Variants in MIOX observed in about 807,000 individuals in gnomAD.
The protein encoded by MIOX is myo-inositol oxygenase.
In MIOX, 51 loss-of-function variants were observed where a neutral mutation model predicts 42.7. The observed-to-expected ratio is 1.19, with a 90% CI of 0.95 to 1.51. The LOEUF (loss-of-function observed/expected upper bound fraction) is 1.51. MIOX is among the 40% of genes most tolerant of loss of function. The pLI is 0.00. For synonymous variants in MIOX, 168 were observed against 154.4 expected (o/e 1.09, Z -0.65); for missense variants, 395 against 381.3 (o/e 1.04, Z -0.30).
Position 50,487,703 on chromosome 22 carries a change from C to T in MIOX, c.138C>T (p.Leu46=), listed in dbSNP as rs78273329. The T allele has an allele frequency of 6.5e-4, 1,054 of 1,613,862 alleles. 15 individuals carry two copies. The East Asian group carries it at 0.02, about 31-fold the overall frequency. The change falls in exon 3 of 10, where the codon CTC becomes CTT. Residue 46 remains leucine (L), a synonymous_variant. Transcript: ENST00000216075. ...LLDRVFTTYK[L]MHTHQTVDFV... ...ACCGTGTCTTCACCACCTACAAGCT[C>T]ATGCACACGCACCAGACAGTGGACT...
At chr22:50,489,018 C>CGTTCCTCCT (rs2068321285) in intron 5 of MIOX, 22 bp from the exon 6 acceptor site, 4 of 1,450,580 alleles carry the variant, frequency 2.8e-6, no homozygotes, top group South Asian at 1.2e-5. Flanking sequence ...CATGGCCTCC[C>CGTTCCTCCT]GTCCCTCCTG....
Position 50,489,977 on chromosome 22 carries a change from C to G in MIOX, c.*121C>G, listed in dbSNP as rs995860392. 2.1e-5 allele frequency: 19 copies of G among 888,404 alleles called. No homozygotes were observed. The African/African-American group carries it at 2.7e-4, about 13-fold the overall frequency. 55.0% of individuals were successfully genotyped at this position (888,404 alleles called of 1,614,324 possible). ...CCTCGGTGGGGGACCCCACTCACCC[C>G]CTTAGGGTCGCCACCCCTCACGGCA... On this transcript the variant is annotated 3_prime_UTR_variant, in exon 10 of 10. Coordinates refer to ENST00000216075, the MANE Select transcript of MIOX (RefSeq NM_017584.6).
In MIOX at chr22:50,489,976, C is replaced by T; in HGVS notation, c.*120C>T. 3 of 886,588 alleles carry T rather than the reference C, an allele frequency of 3.4e-6. No individual in the cohort carries two copies. The highest frequency in any genetic ancestry group is 5.3e-6 in the Non-Finnish European group (3 of 570,460). 54.9% of individuals were successfully genotyped at this position (886,588 alleles called of 1,614,324 possible). On this transcript the variant is annotated 3_prime_UTR_variant, in exon 10 of 10. Coordinates refer to ENST00000216075, the MANE Select transcript of MIOX (RefSeq NM_017584.6). ...ACCTCGGTGGGGGACCCCACTCACC[C>T]CCTTAGGGTCGCCACCCCTCACGGC...
rs1236927915 is a variant in MIOX at position 50,487,648 on chromosome 22, C to T, written c.97-14C>T. The T allele has an allele frequency of 6.2e-7, 1 of 1,610,498 alleles. No homozygotes were observed. ...GCAGGGTGGGGGTGGCGCCACTGACCCTCCGGCCTGCAGTCAGGTCCCCTC... is the reference window on the plus strand; with the variant it reads ...GCAGGGTGGGGGTGGCGCCACTGACTCTCCGGCCTGCAGTCAGGTCCCCTC... On this transcript the variant is annotated splice_polypyrimidine_tract_variant and intron_variant, in intron 2 of 9. Transcript: ENST00000216075.
Position 50,488,321 on chromosome 22 carries a change from G to A in MIOX, c.387G>A (p.Leu129=). The change falls in exon 5 of 10, where the codon CTG becomes CTA. Residue 129 remains leucine (L), a synonymous_variant. Transcript: ENST00000216075. ...TCCTGCACGACCTGGGGAAGGTCCT[G>A]GCCCTGTTCGGGGAGCCCCAGGTAA... is the stretch of plus-strand genomic sequence containing the variant. ...VGLLHDLGKV[L]ALFGEPQWAV... 1 of 1,608,334 alleles carries A rather than the reference G, an allele frequency of 6.2e-7. No homozygotes were observed. The highest frequency in any genetic ancestry group is 8.5e-7 in the Non-Finnish European group (1 of 1,176,774).
rs755945372 is a variant in MIOX at position 50,489,447 on chromosome 22, G to A, written c.636+1G>A. On this transcript the variant is annotated splice_donor_variant, in intron 8 of 9. Transcript: ENST00000216075. LOFTEE classifies it high-confidence loss of function. ...TAACAAGTTCTCACTGCCCCCTGAG[G>A]TAGGTGGGGGGAGGGGCAACGCAGC... is the stretch of plus-strand genomic sequence containing the variant. The A allele has an allele frequency of 3.1e-6, 5 of 1,607,746 alleles. No homozygotes were observed. Among genetic ancestry groups the A allele is most frequent in the Non-Finnish European group, 4.2e-6 (5 of 1,177,502 alleles).
rs750716956 is a variant in MIOX at position 50,489,747 on chromosome 22, G to A, written c.750-1G>A. On this transcript the variant is annotated splice_acceptor_variant, in intron 9 of 9. Transcript: ENST00000216075. LOFTEE classifies it high-confidence loss of function. ...GGGCTCACCGCCCCTCCCTGCTGCAGCAAGTTCGACCTCTACACCAAGTGC... is the reference window on the plus strand; with the variant it reads ...GGGCTCACCGCCCCTCCCTGCTGCAACAAGTTCGACCTCTACACCAAGTGC... 6.2e-7 allele frequency: 1 copy of A among 1,611,858 alleles called. No homozygotes were observed. Among genetic ancestry groups the A allele is most frequent in the Non-Finnish European group, 8.5e-7 (1 of 1,179,884 alleles).
Position 50,489,070 on chromosome 22 carries a change from G to C in MIOX, c.439G>C (p.Gly147Arg). 6 of 1,610,942 alleles carry C rather than the reference G, an allele frequency of 3.7e-6. No individual in the cohort carries two copies. Among genetic ancestry groups the C allele is most frequent in the Non-Finnish European group, 4.2e-6 (5 of 1,179,768 alleles). Residue 147 changes from glycine (G) to arginine (R), a missense_variant, in exon 6 of 10, where the codon GGA becomes CGA. By Grantham distance (125) the Gly-to-Arg change is moderately radical (BLOSUM62 -2). Transcript: ENST00000216075. ...WAVVGDTFPV[G>R]CRPQASVVFC... is the part of the protein sequence containing the mutation. Reference sequence around the variant, plus strand: ...TGTCGTCGGCGACACCTTCCCCGTCGGATGCCGTCCGCAGGCCTCCGTGGT... The same window carrying C: ...TGTCGTCGGCGACACCTTCCCCGTCCGATGCCGTCCGCAGGCCTCCGTGGT...
intron 2 of MIOX, 69 bp downstream of exon 2, chr22:50,487,534 C>A (rs1373646760): frequency 7.0e-6 from 11 of 1,567,506 alleles, no homozygotes; most frequent in African/African-American, 6.8e-5. Context: ...TTGCCCTTCA[C>A]ACAGTTCCAG....
In MIOX at chr22:50,490,397, C is replaced by G. The variant is rs2068345791; in HGVS notation, c.*541C>G. 6.4e-6 allele frequency: 1 copy of G among 157,398 alleles called. No individual in the cohort carries two copies. Among genetic ancestry groups the G allele is most frequent in the Non-Finnish European group, 1.4e-5 (1 of 70,958 alleles). 9.8% of individuals were successfully genotyped at this position (157,398 alleles called of 1,614,324 possible). A position where few individuals can be genotyped will look rare whatever the true frequency, so the allele number is the denominator to read the frequency against. On this transcript the variant is annotated 3_prime_UTR_variant, in exon 10 of 10. Transcript: ENST00000216075. ...CTTTGGGAGGGCGAGGTGGGCGGAT[C>G]ACCTGAGGTCAGGGGTTCAAGACCA...
Position 50,489,156 on chromosome 22 carries a change from C to G in MIOX, c.518+7C>G. 1 of 1,613,050 alleles carries G rather than the reference C, an allele frequency of 6.2e-7. No homozygotes were observed. Among genetic ancestry groups the G allele is most frequent in the Non-Finnish European group, 8.5e-7 (1 of 1,179,782 alleles). ...TCCAGGATCCTCGATACAGGTGCTC[C>G]CTGCTGCTGAGGGCTGGGCCCCCTT... On this transcript the variant is annotated splice_region_variant and intron_variant, in intron 6 of 9. Transcript: ENST00000216075.
In MIOX at chr22:50,487,940, G is replaced by A; in HGVS notation, c.232G>A (p.Asp78Asn). 1 of 1,614,040 alleles carries A rather than the reference G, an allele frequency of 6.2e-7. No homozygotes were observed. The highest frequency in any genetic ancestry group is 8.5e-7 in the Non-Finnish European group (1 of 1,179,942). Reference sequence around the variant, plus strand: ...GAAAATGACAGTCATGGAGGCCGTGGACCTGCTGGATGGGCTGGTGGATGA... The same window carrying A: ...GAAAATGACAGTCATGGAGGCCGTGAACCTGCTGGATGGGCTGGTGGATGA... ...YKKMTVMEAV[D>N]LLDGLVDESD... is the part of the protein sequence containing the mutation. Residue 78 changes from aspartate (D) to asparagine (N), a missense_variant, in exon 4 of 10, where the codon GAC (aspartate) becomes AAC (asparagine). Coordinates refer to ENST00000216075, the MANE Select transcript of MIOX (RefSeq NM_017584.6).
In MIOX at chr22:50,488,313, A is replaced by G; in HGVS notation, c.379A>G (p.Lys127Glu). ...CGTCGGGCTCCTGCACGACCTGGGG[A>G]AGGTCCTGGCCCTGTTCGGGGAGCC... ...HLVGLLHDLG[K>E]VLALFGEPQW... Residue 127 changes from lysine to glutamate, a missense_variant, in exon 5 of 10, where the codon AAG (lysine) becomes GAG (glutamate). Lys to Glu is a moderately conservative substitution (Grantham distance 56). Transcript: ENST00000216075. 1 of 1,612,666 alleles carries G rather than the reference A, an allele frequency of 6.2e-7. No homozygotes were observed.
rs775405012 is a variant in MIOX at position 50,489,105 on chromosome 22, CT to C, written c.475del (p.Ser159ProfsTer43). Reference protein sequence around the residue: ...RPQASVVFCDSTFQDNPDLQD... With the variant: ...RPQASVVFCDXTFQDNPDLQD... ...CGCAGGCCTCCGTGGTTTTCTGCGACTCCACCTTCCAGGACAACCCTGACCT... is the reference window on the plus strand; with the variant it reads ...CGCAGGCCTCCGTGGTTTTCTGCGACCCACCTTCCAGGACAACCCTGACCT... On this transcript the variant is annotated frameshift_variant, in exon 6 of 10. Coordinates refer to ENST00000216075, the MANE Select transcript of MIOX (RefSeq NM_017584.6). LOFTEE classifies it high-confidence loss of function. The C allele has an allele frequency of 6.2e-7, 1 of 1,613,296 alleles. No individual in the cohort carries two copies. The highest frequency in any genetic ancestry group is 8.5e-7 in the Non-Finnish European group (1 of 1,179,942).
rs572866861 is a variant in MIOX, at chr22:50,487,283, G to A, written c.16-102G>A. 113 of 991,096 alleles carry A rather than the reference G, an allele frequency of 1.1e-4. 1 individual carries two copies. The South Asian group carries it at 1.4e-3, about 12-fold the overall frequency. The allele number at this position is 991,096 out of a possible 1,614,324, so 61.4% of individuals were successfully genotyped here. A position where few individuals can be genotyped will look rare whatever the true frequency, so the allele number is the denominator to read the frequency against. The stretch of plus-strand genomic sequence containing the variant: ...CCTCGCGTGTCACCCACCAGCCCTC[G>A]AGCAGAGGCAGGCTTGGAGTCTGCA... On this transcript the variant is annotated intron_variant, in intron 1 of 9. Transcript: ENST00000216075.
At position 50,489,079 on chromosome 22, in the gene MIOX, C is replaced by A; in HGVS notation, c.448C>A (p.Pro150Thr). 2 of 1,612,442 alleles carry A rather than the reference C, an allele frequency of 1.2e-6. No homozygotes were observed. The highest frequency in any genetic ancestry group is 1.7e-6 in the Non-Finnish European group (2 of 1,179,890). Residue 150 changes from proline (P) to threonine (T), a missense_variant, in exon 6 of 10, where the codon CCG becomes ACG. Physicochemically the swap from Pro to Thr is conservative, Grantham distance 38. Coordinates refer to ENST00000216075, the MANE Select transcript of MIOX (RefSeq NM_017584.6). ...VGDTFPVGCR[P>T]QASVVFCDST... ...CGACACCTTCCCCGTCGGATGCCGTCCGCAGGCCTCCGTGGTTTTCTGCGA... is the reference window on the plus strand; with the variant it reads ...CGACACCTTCCCCGTCGGATGCCGTACGCAGGCCTCCGTGGTTTTCTGCGA...
Position 50,490,014 on chromosome 22 carries a change from G to A in MIOX, c.*158G>A. The A allele has an allele frequency of 1.6e-6, 1 of 640,508 alleles. No individual in the cohort carries two copies. The highest frequency in any genetic ancestry group is 1.8e-5 in the South Asian group (1 of 55,408). 39.7% of individuals were successfully genotyped at this position (640,508 alleles called of 1,614,324 possible). On this transcript the variant is annotated 3_prime_UTR_variant, in exon 10 of 10. Coordinates refer to ENST00000216075, the MANE Select transcript of MIOX (RefSeq NM_017584.6). ...CACCCCTCACGGCAACTTGTGCCTG[G>A]CGTCAATAAAGACCTGGAAGGATGT...
In MIOX at chr22:50,489,847, G is replaced by A. The variant is rs2068339100; in HGVS notation, c.849G>A (p.Leu283=). The change falls in exon 10 of 10, where the codon CTG becomes CTA. Residue 283 remains leucine, a synonymous_variant. Transcript: ENST00000216075. Reference sequence around the variant, plus strand: ...TTGACAAGTACTGCCCTGGCATCCTGAGCTGGTGACCCTCCTGCCACCCAA... The same window carrying A: ...TTGACAAGTACTGCCCTGGCATCCTAAGCTGGTGACCCTCCTGCCACCCAA... The part of the protein sequence containing the change: ...GLIDKYCPGI[L]SW 4 of 1,610,086 alleles carry A rather than the reference G, an allele frequency of 2.5e-6. No individual in the cohort carries two copies. Among genetic ancestry groups the A allele is most frequent in the East Asian group, 2.2e-5 (1 of 44,878 alleles).
chr22:50,487,639 G>A (rs747313438), intron 2 of MIOX, 23 bp from the exon 3 acceptor site: 39 of 1,606,774 alleles, frequency 2.4e-5, no homozygotes, highest in Admixed American at 6.7e-5. Flanking sequence ...TGGGGGTGGC[G>A]CCACTGACCC....
Sources: gnomAD v4.1 joint callset for allele counts on GRCh38, gnomAD v4.1.1 for gene constraint, MANE v1.5 for transcripts, NCBI Gene and HGNC (gene_info 2026-07-23, HGNC 2026-07-21) for gene names.